MEGF11: variants seen among roughly 807,000 people sequenced by gnomAD.
MEGF11 encodes multiple EGF like domains 11, also known as multiple epidermal growth factor-like domains protein 11.
MEGF11 carries 126 observed loss-of-function variants against 146.6 expected under a neutral mutation model. The ratio of observed to expected loss-of-function variants is 0.86; its 90% CI spans 0.74 to 1.00. The LOEUF (loss-of-function observed/expected upper bound fraction) is 1.00, where lower values mean the gene tolerates loss of function less well. Ranked by LOEUF, MEGF11 falls within the 50% of genes least tolerant of loss-of-function variation. The pLI is 0.00. For synonymous variants in MEGF11, 532 were observed against 583.4 expected, an observed-to-expected ratio of 0.91 and a Z score of 1.27; for missense variants, 1,509 against 1,521.2, an observed-to-expected ratio of 0.99 and a Z score of 0.13.
At chr15:66,158,063 T>C (rs2089827017) in intron 1 of MEGF11, among the ~76,000 whole-genome samples, 2 of 152,214 alleles carry the variant, frequency 1.3e-5, no homozygotes, top group Admixed American at 1.3e-4. Flanking sequence ...TCGGATGAAA[T>C]GTTCACTTGC....
At chr15:66,066,158 GA>G (rs2085115901) in intron 5 of MEGF11, among the ~76,000 whole-genome samples, 1 of 152,166 alleles carries the variant, frequency 6.6e-6, no homozygotes. Context: ...CCTGACACGT[GA>G]AGCTTCTGCC....
chr15:65,931,564 A>G (rs1330176866), intron 10 of MEGF11, among the ~76,000 whole-genome samples: 1 of 152,226 alleles, frequency 6.6e-6, no homozygotes, highest in East Asian at 1.9e-4. Context: ...TACAGCAGCA[A>G]TGGAAAACTA....
rs2078738220 is a variant in MEGF11, at chr15:65,909,739, C to CCT, written c.2895_2896dup (p.Asp966GlufsTer57). Reference sequence around the variant, plus strand: ...GGGACCAGACTCACACCACTACTGACCTAACACGTTCACATAGCTGTAGGG... The same window carrying CCT: ...GGGACCAGACTCACACCACTACTGACCTCTAACACGTTCACATAGCTGTAGGG... On this transcript the variant is annotated frameshift_variant and splice_region_variant. Coordinates refer to ENST00000395614, the MANE Select transcript of MEGF11 (RefSeq NM_001385028.1). LOFTEE classifies it high-confidence loss of function. 6.4e-7 allele frequency: 1 copy of CCT among 1,574,696 alleles called. No individual in the cohort carries two copies. The highest frequency in any genetic ancestry group is 8.6e-7 in the Non-Finnish European group (1 of 1,168,152).
rs1405416725 is a variant in MEGF11, at chr15:66,123,966, G to A, written c.133C>T (p.Pro45Ser). 6.2e-7 allele frequency: 1 copy of A among 1,613,904 alleles called. No individual in the cohort carries two copies. Among genetic ancestry groups the A allele is most frequent in the Admixed American group, 1.7e-5 (1 of 60,022 alleles). The change falls in exon 3 of 26, where the codon CCC (proline) becomes TCC (serine). Residue 45 changes from proline to serine, a missense_variant. Transcript: ENST00000395614. Reference sequence around the variant, plus strand: ...CGTGTGTAATAGATCTGATCGAAGGGGTGTGCATACGATTCCTGGACAGTC... The same window carrying A: ...CGTGTGTAATAGATCTGATCGAAGGAGTGTGCATACGATTCCTGGACAGTC... Reference protein sequence around the residue: ...AVTVQESYAHPFDQIYYTRCT... With the variant: ...AVTVQESYAHSFDQIYYTRCT...
intron 1 of MEGF11, among the ~76,000 whole-genome samples, chr15:66,217,850 A>G (rs560250966): frequency 9.8e-5 from 15 of 152,340 alleles, no homozygotes; most frequent in Admixed American, 3.3e-4. Flanking sequence ...TGAGGCCCCA[A>G]GCATCCCTCC....
intron 5 of MEGF11, among the ~76,000 whole-genome samples, chr15:65,987,709 A>ATTTTTTTTT (rs2081911455): frequency 1.3e-5 from 2 of 151,578 alleles, no homozygotes; most frequent in African/African-American, 4.9e-5. Flanking sequence ...CTTTCTTTCT[A>ATTTTTTTTT]TTTTATTATT....
intron 10 of MEGF11, among the ~76,000 whole-genome samples, chr15:65,935,981 C>T (rs1456964741): frequency 6.6e-6 from 1 of 152,176 alleles, no homozygotes; most frequent in African/African-American, 2.4e-5. Flanking sequence ...CTGCCCACCC[C>T]GGCATATCCC....
At chr15:65,909,514 C>G (rs908011571) in intron 22 of MEGF11, among the ~76,000 whole-genome samples, 3 of 152,090 alleles carry the variant, frequency 2.0e-5, no homozygotes, top group African/African-American at 7.2e-5. Context: ...CACCCTGGCC[C>G]TGGTTTTCTC....
chr15:66,171,262 AT>A (rs2090247082), intron 1 of MEGF11, among the ~76,000 whole-genome samples: 1 of 152,198 alleles, frequency 6.6e-6, no homozygotes, highest in Non-Finnish European at 1.5e-5. Flanking sequence ...CGGGGCAGGT[AT>A]CTGCTCAACC....
chr15:66,201,301 C>G (rs1288182556), intron 1 of MEGF11, among the ~76,000 whole-genome samples: 7 of 152,132 alleles, frequency 4.6e-5, no homozygotes, highest in Admixed American at 4.6e-4. Context: ...TTATCTTTCC[C>G]TGGTCCTTCC....
intron 4 of MEGF11, among the ~76,000 whole-genome samples, chr15:66,116,160 A>C (rs546308429): frequency 7.6e-4 from 115 of 151,746 alleles, no homozygotes; most frequent in African/African-American, 2.7e-3. Context: ...TGCAACCCTC[A>C]AGGTGGAGCT....
chr15:66,053,713 CAA>C (rs763171475), intron 5 of MEGF11, among the ~76,000 whole-genome samples: 8 of 72,578 alleles, frequency 1.1e-4, no homozygotes, highest in African/African-American at 2.3e-4. Context: ...CCCCTGGCAC[CAA>C]TTTTTTTTTT....
At chr15:66,147,311 C>T (rs981355823) in intron 1 of MEGF11, among the ~76,000 whole-genome samples, 3 of 152,190 alleles carry the variant, frequency 2.0e-5, no homozygotes, top group Non-Finnish European at 4.4e-5. Flanking sequence ...AGCCTCCTCC[C>T]AGGGAGTAAA....
chr15:66,146,582 A>T (rs753275280), intron 1 of MEGF11, among the ~76,000 whole-genome samples: 5 of 152,098 alleles, frequency 3.3e-5, no homozygotes, highest in Non-Finnish European at 5.9e-5. Context: ...GCACGCCGAC[A>T]CCTCCCACAG....
chr15:66,024,081 CT>C (rs551250737), intron 5 of MEGF11, among the ~76,000 whole-genome samples: 25 of 152,232 alleles, frequency 1.6e-4, no homozygotes, highest in Non-Finnish European at 2.9e-4. Context: ...CAGGGTGGGG[CT>C]GGTTCGTTCC....
intron 10 of MEGF11, among the ~76,000 whole-genome samples, chr15:65,931,524 G>A (rs1252580874): frequency 2.0e-5 from 3 of 152,186 alleles, no homozygotes; most frequent in Admixed American, 1.3e-4. Context: ...ATAAATTTGT[G>A]CTGTTTGAAG....
chr15:66,184,915 G>A (rs914231155), intron 1 of MEGF11, among the ~76,000 whole-genome samples: 4 of 151,780 alleles, frequency 2.6e-5, no homozygotes, highest in African/African-American at 9.7e-5. Flanking sequence ...TTTGCTTTAC[G>A]TGTTCCTAGA....
intron 5 of MEGF11, among the ~76,000 whole-genome samples, chr15:66,056,153 T>C (rs1307942957): frequency 6.6e-6 from 1 of 152,114 alleles, no homozygotes; most frequent in African/African-American, 2.4e-5. Flanking sequence ...GATGGGTGCA[T>C]TCCAGTGGGA....
At chr15:66,176,920 T>G (rs963251990) in intron 1 of MEGF11, among the ~76,000 whole-genome samples, 29 of 152,084 alleles carry the variant, frequency 1.9e-4, no homozygotes, top group Admixed American at 1.6e-3. Context: ...TCCCCACAGA[T>G]CTTAAGCTTC....
Sources: allele counts gnomAD v4.1 joint callset (sites outside exome capture counted in the v4.1 genomes callset), GRCh38; gene constraint gnomAD v4.1.1; transcripts MANE v1.5; gene names NCBI Gene and HGNC (gene_info 2026-07-23, HGNC 2026-07-21).